CHST12: variants seen among roughly 807,000 people sequenced by gnomAD.
The protein encoded by CHST12 is carbohydrate (chondroitin 4) sulfotransferase 12.
In CHST12, 23 loss-of-function variants were observed where a neutral mutation model predicts 27.9. The observed-to-expected ratio is 0.82, with a 90% CI of 0.59 to 1.17. The LOEUF (loss-of-function observed/expected upper bound fraction) is 1.17. Among genes scored for constraint, CHST12 ranks in the 50% most tolerant of loss-of-function variants. CHST12 has a pLI of 0.00. For synonymous variants in CHST12, 322 were observed against 273.0 expected (o/e 1.18, Z -1.77); for missense variants, 682 against 603.0 (o/e 1.13, Z -1.37).
At chr7:2,412,359 G>A (rs1486727363) in intron 1 of CHST12, among the ~76,000 whole-genome samples, 1 of 152,148 alleles carries the variant, frequency 6.6e-6, no homozygotes, top group Non-Finnish European at 1.5e-5. Flanking sequence ...TTGACACCAG[G>A]AACAGAAACT....
intron 1 of CHST12, among the ~76,000 whole-genome samples, chr7:2,419,568 A>T (rs1454152265): frequency 6.6e-6 from 1 of 151,606 alleles, no homozygotes; most frequent in Non-Finnish European, 1.5e-5. Flanking sequence ...TTAGCCAGGC[A>T]TGGTGGTGGG....
intron 1 of CHST12, among the ~76,000 whole-genome samples, chr7:2,406,307 T>A (rs1288464932): frequency 6.6e-6 from 1 of 151,454 alleles, no homozygotes; most frequent in East Asian, 1.9e-4. Flanking sequence ...TTTCTGTAAC[T>A]GTTTAGAAAC....
Position 2,432,977 on chromosome 7 carries a change from G to A in CHST12, c.338G>A (p.Arg113His), listed in dbSNP as rs1249032971. The change falls in exon 2 of 2, where the codon CGC (arginine) becomes CAC (histidine). Residue 113 changes from arginine (R) to histidine (H), a missense_variant. By Grantham distance (29) the Arg-to-His change is conservative. Coordinates refer to ENST00000618655, the MANE Select transcript of CHST12 (RefSeq NM_018641.5). ...GACTGGTCCCCGCGCGACGCCCGGC[G>A]CAGCCCAGACCAGGGCCGGCAGCAG... ...GYDWSPRDAR[R>H]SPDQGRQQAE... The A allele has an allele frequency of 4.3e-6, 7 of 1,609,584 alleles. No homozygotes were observed. Among genetic ancestry groups the A allele is most frequent in the African/African-American group, 1.3e-5 (1 of 74,842 alleles).
At chr7:2,430,702 T>A (rs919755636) in intron 1 of CHST12, among the ~76,000 whole-genome samples, 10 of 152,212 alleles carry the variant, frequency 6.6e-5, no homozygotes, top group African/African-American at 2.4e-4. Flanking sequence ...TCCACCTGCC[T>A]CGGCCTCCCA....
At chr7:2,418,311 C>T (rs1176202646) in intron 1 of CHST12, among the ~76,000 whole-genome samples, 2 of 152,240 alleles carry the variant, frequency 1.3e-5, no homozygotes, top group Non-Finnish European at 2.9e-5. Context: ...TAATAATTTT[C>T]AGTGCCATTT....
chr7:2,419,369 C>G (rs1781902349), intron 1 of CHST12, among the ~76,000 whole-genome samples: 1 of 132,448 alleles, frequency 7.6e-6, no homozygotes. Context: ...CCACTGCACT[C>G]AAGTCTGAAT....
rs924837668 is a variant in CHST12, at chr7:2,441,223, G to C, written c.*7339G>C. 6.6e-6 allele frequency: 1 copy of C among 152,366 alleles called. No homozygotes were observed. Among genetic ancestry groups the C allele is most frequent in the Non-Finnish European group, 1.5e-5 (1 of 68,194 alleles). The allele number at this position is 152,366 out of a possible 1,614,324, so 9.4% of individuals were successfully genotyped here. On this transcript the variant is annotated 3_prime_UTR_variant, in exon 2 of 2. Transcript: ENST00000618655. ...GGCGTCCAGGCCCGCCTAGATGGGG[G>C]AGGGAGACAACAGAGCTGCCACCTG... is the stretch of plus-strand genomic sequence containing the variant.
Position 2,438,481 on chromosome 7 carries a change from G to C in CHST12, c.*4597G>C, listed in dbSNP as rs1291660311. 2 of 152,228 alleles carry C rather than the reference G, an allele frequency of 1.3e-5. No individual in the cohort carries two copies. Among genetic ancestry groups the C allele is most frequent in the Non-Finnish European group, 2.9e-5 (2 of 68,060 alleles). 9.4% of individuals were successfully genotyped at this position (152,228 alleles called of 1,614,324 possible). A position where few individuals can be genotyped will look rare whatever the true frequency, so the allele number is the denominator to read the frequency against. ...ACTCCCAAATATCACACAGGCTGCA[G>C]ATACCACCCAGCCCCCAAGGATGCC... On this transcript the variant is annotated 3_prime_UTR_variant, in exon 2 of 2. Transcript: ENST00000618655.
At chr7:2,405,934 G>A (rs1007944860) in intron 1 of CHST12, among the ~76,000 whole-genome samples, 1 of 152,158 alleles carries the variant, frequency 6.6e-6, no homozygotes, top group Non-Finnish European at 1.5e-5. Context: ...GGGATCCAGA[G>A]CTGAAGAGAG....
In CHST12 at chr7:2,440,517, G is replaced by C. The variant is rs527679785; in HGVS notation, c.*6633G>C. 3 of 152,552 alleles carry C rather than the reference G, an allele frequency of 2.0e-5. No individual in the cohort carries two copies. Among genetic ancestry groups the C allele is most frequent in the East Asian group, 1.9e-4 (1 of 5,186 alleles). The allele number at this position is 152,552 out of a possible 1,614,324, so 9.4% of individuals were successfully genotyped here. ...AGAGGGTCCCAGACTTTCCTGGGAT[G>C]ATGGGAACTGGGCACCCCAGATGAG... On this transcript the variant is annotated 3_prime_UTR_variant, in exon 2 of 2. Coordinates refer to ENST00000618655, the MANE Select transcript of CHST12 (RefSeq NM_018641.5).
At chr7:2,418,300 C>A (rs1781864019) in intron 1 of CHST12, among the ~76,000 whole-genome samples, 1 of 152,228 alleles carries the variant, frequency 6.6e-6, no homozygotes, top group Admixed American at 6.5e-5. Context: ...TAAACCTAAC[C>A]TAATAATTTT....
chr7:2,407,370 C>T (rs1781550977), intron 1 of CHST12, among the ~76,000 whole-genome samples: 1 of 151,980 alleles, frequency 6.6e-6, no homozygotes, highest in South Asian at 2.1e-4. Flanking sequence ...ATCACTTGAG[C>T]CCAGGAGTTT....
Position 2,409,398 on chromosome 7 carries a change from T to G in CHST12, c.-78+5725T>G, listed in dbSNP as rs148523515. On this transcript the variant is annotated intron_variant, in intron 1 of 1. Transcript: ENST00000618655. ...AGGAGGCCGAGGCAGGAGGATTGCT[T>G]GAGTCCAGGAGTTCAAGACCAGCCT... Among the ~76,000 whole-genome samples, 460 of 152,228 alleles carry G rather than the reference T, an allele frequency of 3.0e-3. 2 individuals carry two copies. Among genetic ancestry groups the G allele is most frequent in the African/African-American group, 0.01 (432 of 41,538 alleles).
rs1344067214 is a variant in CHST12 at position 2,444,232 on chromosome 7, C to T, written c.*10348C>T. ...CCGGGAGGCGGAGCTTGCAGTGAGC[C>T]GAGATCCCGCCACTGCACTCCAGCC... On this transcript the variant is annotated 3_prime_UTR_variant, in exon 2 of 2. Transcript: ENST00000618655. The T allele has an allele frequency of 7.1e-6, 1 of 141,286 alleles. No homozygotes were observed. The highest frequency in any genetic ancestry group is 1.5e-5 in the Non-Finnish European group (1 of 66,090). The allele number at this position is 141,286 out of a possible 1,614,324, so 8.8% of individuals were successfully genotyped here.
intron 1 of CHST12, among the ~76,000 whole-genome samples, chr7:2,418,729 G>A (rs1191542826): frequency 6.6e-6 from 1 of 152,186 alleles, no homozygotes; most frequent in East Asian, 1.9e-4. Flanking sequence ...GTGGGCTTCA[G>A]GCCGGAGCTG....
Position 2,441,025 on chromosome 7 carries a change from G to C in CHST12, c.*7141G>C, listed in dbSNP as rs924275352. On this transcript the variant is annotated 3_prime_UTR_variant, in exon 2 of 2. Transcript: ENST00000618655. ...CTCTCAGGCTGTGGGGCAATGTTCT[G>C]CTTATAATGTTTCAAGAGGTTCAAA... The C allele has an allele frequency of 6.6e-6, 1 of 152,158 alleles. No individual in the cohort carries two copies. The highest frequency in any genetic ancestry group is 6.6e-5 in the Admixed American group (1 of 15,266). The allele number at this position is 152,158 out of a possible 1,614,324, so 9.4% of individuals were successfully genotyped here.
intron 1 of CHST12, among the ~76,000 whole-genome samples, chr7:2,422,755 C>G (rs924905200): frequency 6.6e-6 from 1 of 150,384 alleles, no homozygotes; most frequent in African/African-American, 2.5e-5. Flanking sequence ...AGACTGGTCT[C>G]GATCTCTTGA....
intron 1 of CHST12, among the ~76,000 whole-genome samples, chr7:2,423,287 A>C (rs1306335049): frequency 6.6e-6 from 1 of 152,074 alleles, no homozygotes; most frequent in East Asian, 1.9e-4. Context: ...AAAATAAAAA[A>C]AAGTAGAAAA....
chr7:2,412,672 G>A (rs762980401), intron 1 of CHST12, among the ~76,000 whole-genome samples: 3 of 152,180 alleles, frequency 2.0e-5, no homozygotes, highest in Non-Finnish European at 4.4e-5. Flanking sequence ...CAGCAGAGCA[G>A]AGTGGCAAGG....
Sources: gnomAD v4.1 joint callset for allele counts (sites outside exome capture counted in the v4.1 genomes callset) on GRCh38, gnomAD v4.1.1 for gene constraint, MANE v1.5 for transcripts, NCBI Gene and HGNC (gene_info 2026-07-23, HGNC 2026-07-21) for gene names.